Variants in CNTNAP2 observed in about 807,000 individuals in gnomAD.
The protein encoded by CNTNAP2 is contactin-associated protein-like 2.
Under a neutral mutation model 155.2 loss-of-function variants are expected in CNTNAP2, and 98 were observed. The observed-to-expected ratio is 0.63, with a 90% CI of 0.54 to 0.75. CNTNAP2 has a LOEUF of 0.75. Among genes scored for constraint, CNTNAP2 ranks in the 30% least tolerant of loss-of-function variants. The pLI is 0.00. For missense variants in CNTNAP2, 1,727 were observed against 1,688.1 expected (o/e 1.02, Z -0.40); for synonymous variants, 651 against 631.2 (o/e 1.03, Z -0.47).
At chr7:148,010,083 T>C (rs1802049307) in intron 15 of CNTNAP2, among the ~76,000 whole-genome samples, 1 of 152,098 alleles carries the variant, frequency 6.6e-6, no homozygotes, top group Admixed American at 6.5e-5. Context: ...TAACAGTTAG[T>C]ATTGGCAAAT....
At chr7:147,173,980 G>A (rs1802284170) in intron 8 of CNTNAP2, among the ~76,000 whole-genome samples, 1 of 152,044 alleles carries the variant, frequency 6.6e-6, no homozygotes, top group Non-Finnish European at 1.5e-5. Context: ...TAATTCAAGG[G>A]CATCAATAGC....
chr7:146,893,720 A>C (rs957315509), intron 3 of CNTNAP2, among the ~76,000 whole-genome samples: 1 of 152,108 alleles, frequency 6.6e-6, no homozygotes, highest in Non-Finnish European at 1.5e-5. Context: ...TCTTTAGGAT[A>C]GTCTTCAAGG....
intron 1 of CNTNAP2, among the ~76,000 whole-genome samples, chr7:146,322,759 G>A (rs1489780351): frequency 5.5e-5 from 8 of 145,838 alleles, no homozygotes; most frequent in South Asian, 2.2e-4. Context: ...ACACAAAAAC[G>A]GATAATAATA....
intron 22 of CNTNAP2, among the ~76,000 whole-genome samples, chr7:148,385,274 G>A (rs1465326750): frequency 6.6e-6 from 1 of 152,206 alleles, no homozygotes; most frequent in Non-Finnish European, 1.5e-5. Flanking sequence ...GCGGGGCGCT[G>A]TGAGCTAAGG....
chr7:147,332,245 C>G (rs1795583378), intron 9 of CNTNAP2, among the ~76,000 whole-genome samples: 1 of 152,102 alleles, frequency 6.6e-6, no homozygotes, highest in Non-Finnish European at 1.5e-5. Flanking sequence ...GCGCTCTATT[C>G]TGGGTACCAA....
intron 4 of CNTNAP2, among the ~76,000 whole-genome samples, chr7:147,058,560 C>T (rs1243137849): frequency 1.3e-5 from 2 of 152,162 alleles, no homozygotes; most frequent in African/African-American, 4.8e-5. Context: ...CTTTGCCCCA[C>T]TTCTTAGCTT....
At chr7:147,519,023 CAAAAAAAAA>C (rs149054741) in intron 11 of CNTNAP2, among the ~76,000 whole-genome samples, 5 of 102,292 alleles carry the variant, frequency 4.9e-5, no homozygotes, top group African/African-American at 1.5e-4. Flanking sequence ...GACTCTGTCT[CAAAAAAAAA>C]AAAAAAAAAA....
rs764360981 is a variant in CNTNAP2, at chr7:148,217,427, G to A, written c.3150G>A (p.Glu1050=). ...CCCACCCGGACCTGGCACAGGAGGA[G>A]ATCCGCTTCAGCTTCAGCACCACCA... ...QNSHPDLAQE[E]IRFSFSTTKA... is the part of the protein sequence containing the mutation. Residue 1050 remains glutamate (E), a synonymous_variant, in exon 19 of 24, where the codon GAG becomes GAA. Coordinates refer to ENST00000361727, the MANE Select transcript of CNTNAP2 (RefSeq NM_014141.6). The A allele has an allele frequency of 6.2e-7, 1 of 1,614,184 alleles. No homozygotes were observed. Among genetic ancestry groups the A allele is most frequent in the South Asian group, 1.1e-5 (1 of 91,076 alleles).
chr7:148,107,476 T>A (rs1026196046), intron 15 of CNTNAP2, among the ~76,000 whole-genome samples: 1 of 152,138 alleles, frequency 6.6e-6, no homozygotes, highest in Non-Finnish European at 1.5e-5. Context: ...GCAGAGAGAG[T>A]GGCTGACTCA....
At chr7:147,841,845 T>C (rs1301662441) in intron 13 of CNTNAP2, among the ~76,000 whole-genome samples, 2 of 152,168 alleles carry the variant, frequency 1.3e-5, no homozygotes, top group Admixed American at 6.5e-5. Flanking sequence ...AATAACAATA[T>C]AAGAAAAATG....
intron 13 of CNTNAP2, chr7:147,672,401 C>T (rs1003197164): frequency 2.0e-5 from 3 of 152,152 alleles, no homozygotes; most frequent in Admixed American, 1.3e-4. Context: ...GGCTTTTGTG[C>T]TAAACTCTTT....
intron 9 of CNTNAP2, among the ~76,000 whole-genome samples, chr7:147,348,997 G>C (rs542352303): frequency 6.6e-6 from 1 of 151,896 alleles, no homozygotes; most frequent in Non-Finnish European, 1.5e-5. Flanking sequence ...GTAAAGGCAA[G>C]GGAAGATAGA....
chr7:147,183,952 A>C (rs1407203714), intron 8 of CNTNAP2, among the ~76,000 whole-genome samples: 1 of 152,212 alleles, frequency 6.6e-6, no homozygotes. Flanking sequence ...GTGATCAGTG[A>C]TGCATTGTAT....
At chr7:147,222,899 A>C (rs1803438221) in intron 8 of CNTNAP2, among the ~76,000 whole-genome samples, 1 of 151,288 alleles carries the variant, frequency 6.6e-6, no homozygotes, top group African/African-American at 2.4e-5. Flanking sequence ...TTCTTCCAGG[A>C]AAGTTGGGTT....
intron 1 of CNTNAP2, among the ~76,000 whole-genome samples, chr7:146,668,079 G>A (rs1028653176): frequency 3.3e-5 from 5 of 151,886 alleles, no homozygotes; most frequent in Admixed American, 6.6e-5. Flanking sequence ...TTTAGCTTTT[G>A]CTTCTTTGGT....
chr7:147,907,400 T>A (rs1000113235), intron 14 of CNTNAP2, among the ~76,000 whole-genome samples: 2 of 152,144 alleles, frequency 1.3e-5, no homozygotes, highest in African/African-American at 4.8e-5. Context: ...GGTCTTCCCT[T>A]TTTAGCACAA....
chr7:146,397,152 C>T (rs2129107475), intron 1 of CNTNAP2, among the ~76,000 whole-genome samples: 1 of 152,218 alleles, frequency 6.6e-6, no homozygotes, highest in Non-Finnish European at 1.5e-5. Flanking sequence ...AATTTTAGAC[C>T]CAGTGGCTTT....
chr7:147,796,267 G>T (rs1054928274), intron 13 of CNTNAP2, among the ~76,000 whole-genome samples: 3 of 152,080 alleles, frequency 2.0e-5, no homozygotes, highest in Non-Finnish European at 4.4e-5. Context: ...TCTCAAGAGT[G>T]GCTTATGTAC....
chr7:148,411,202 T>A (rs1779253880), intron 23 of CNTNAP2, among the ~76,000 whole-genome samples: 1 of 152,196 alleles, frequency 6.6e-6, no homozygotes, highest in Non-Finnish European at 1.5e-5. Context: ...GTCTTTTGCT[T>A]TTTTAAATGA....
Sources: allele counts gnomAD v4.1 joint callset (sites outside exome capture counted in the v4.1 genomes callset), GRCh38; gene constraint gnomAD v4.1.1; transcripts MANE v1.5; gene names NCBI Gene and HGNC (gene_info 2026-07-23, HGNC 2026-07-21).